Variants in AIMP2 observed in about 807,000 individuals in gnomAD.
The protein encoded by AIMP2 is aminoacyl tRNA synthase complex-interacting multifunctional protein 2.
Under a neutral mutation model 23.4 loss-of-function variants are expected in AIMP2, and 20 were observed. The ratio of observed to expected loss-of-function variants is 0.85; its 90% CI spans 0.60 to 1.24. The LOEUF (loss-of-function observed/expected upper bound fraction) is 1.24, where lower values mean the gene tolerates loss of function less well. Among genes scored for constraint, AIMP2 ranks in the 50% most tolerant of loss-of-function variants. The pLI is 0.00. For synonymous variants in AIMP2, 210 were observed against 170.4 expected (o/e 1.23, Z -1.81); for missense variants, 515 against 414.5 (o/e 1.24, Z -2.10).
rs771380350 is a variant in AIMP2 at position 6,017,971 on chromosome 7, A to G, written c.500A>G (p.Lys167Arg). Residue 167 changes from lysine (K) to arginine (R), a missense_variant, in exon 3 of 4, where the codon AAG becomes AGG. By Grantham distance (26) the Lys-to-Arg change is conservative. Coordinates refer to ENST00000223029, the MANE Select transcript of AIMP2 (RefSeq NM_006303.4). Reference protein sequence around the residue: ...SVKSVPENLLKCFGEQNKKQP... With the variant: ...SVKSVPENLLRCFGEQNKKQP... ...AAGAGCGTGCCTGAAAACCTTCTCA[A>G]GTGCTTTGGAGAACAGAATAAAAAA... The G allele has an allele frequency of 3.1e-6, 5 of 1,613,908 alleles. No individual in the cohort carries two copies. Among genetic ancestry groups the G allele is most frequent in the East Asian group, 4.5e-5 (2 of 44,856 alleles).
chr7:6,022,446 C>G (rs763419262), intron 3 of AIMP2: 3 of 152,126 alleles, frequency 2.0e-5, no homozygotes, highest in East Asian at 1.9e-4. Context: ...CCTAACCCCC[C>G]CACTGTTCAA....
chr7:6,012,795 A>G (rs891527046), intron 1 of AIMP2: 6 of 1,020,830 alleles, frequency 5.9e-6, no homozygotes, highest in Non-Finnish European at 6.0e-6. Context: ...CAAGTGATCC[A>G]CCCGCCTCGC....
intron 1 of AIMP2, among the ~76,000 whole-genome samples, chr7:6,014,030 A>G (rs1786865101): frequency 6.6e-6 from 1 of 152,054 alleles, no homozygotes; most frequent in South Asian, 2.1e-4. Flanking sequence ...AAGCTAAAAT[A>G]AAGTGTTTCA....
chr7:6,023,090 A>G, intron 3 of AIMP2: 1 of 561,774 alleles, frequency 1.8e-6, no homozygotes, highest in Non-Finnish European at 3.0e-6. Context: ...ACCAGGAATG[A>G]CTCTTTGGTT....
intron 3 of AIMP2, among the ~76,000 whole-genome samples, chr7:6,018,968 T>TACAC (rs59354100): frequency 0.26 from 39,875 of 150,566 alleles, 6,257 homozygotes; most frequent in East Asian, 0.41. Context: ...TATCAAACCT[T>TACAC]ACACACACAC....
intron 2 of AIMP2, among the ~76,000 whole-genome samples, chr7:6,016,347 C>G (rs1042932405): frequency 6.6e-6 from 1 of 152,168 alleles, no homozygotes; most frequent in Non-Finnish European, 1.5e-5. Context: ...TATCAATAGC[C>G]TCCTCTAGAA....
chr7:6,010,801 C>T (rs1013055379), intron 1 of AIMP2, among the ~76,000 whole-genome samples: 2 of 122,406 alleles, frequency 1.6e-5, no homozygotes, highest in African/African-American at 7.9e-5. Flanking sequence ...TCTGATGTGT[C>T]TGGGTGTTTT....
At chr7:6,013,221 C>T (rs1786801653) in intron 1 of AIMP2, 1 of 150,330 alleles carries the variant, frequency 6.7e-6, no homozygotes, top group Non-Finnish European at 1.5e-5. Flanking sequence ...AAGCACCTAG[C>T]AGGTTAGCAA....
At chr7:6,017,290 C>T (rs904396128) in intron 2 of AIMP2, among the ~76,000 whole-genome samples, 9 of 151,776 alleles carry the variant, frequency 5.9e-5, no homozygotes, top group African/African-American at 2.2e-4. Flanking sequence ...CCAAGACGGA[C>T]AGGTCATTTG....
intron 3 of AIMP2, among the ~76,000 whole-genome samples, chr7:6,021,129 T>A (rs1013443634): frequency 1.3e-5 from 2 of 152,074 alleles, no homozygotes; most frequent in Non-Finnish European, 2.9e-5. Context: ...GTCAAAGTCG[T>A]CTACTTGCCC....
In AIMP2 at chr7:6,009,342, C is replaced by A. The variant is rs1062372; in HGVS notation, c.-22C>A. ...AGCGTTGGCCTTTGGCACGCGCTACCCCCTTTTGCTTTGGTTCTGCCATGC... is the reference window on the plus strand; with the variant it reads ...AGCGTTGGCCTTTGGCACGCGCTACACCCTTTTGCTTTGGTTCTGCCATGC... On this transcript the variant is annotated 5_prime_UTR_variant, in exon 1 of 4. Transcript: ENST00000223029. 0.21 allele frequency: 344,582 copies of A among 1,611,438 alleles called. 38,291 individuals carry two copies. The highest frequency in any genetic ancestry group is 0.32 in the African/African-American group (23,986 of 74,892).
chr7:6,012,607 GA>G (rs1189997568), intron 1 of AIMP2: 1 of 247,620 alleles, frequency 4.0e-6, no homozygotes, highest in Non-Finnish European at 8.9e-6. Context: ...ACCCAGTCTG[GA>G]GTGCAATGTC....
chr7:6,020,415 C>T (rs573540012), intron 3 of AIMP2, among the ~76,000 whole-genome samples: 118 of 151,720 alleles, frequency 7.8e-4, no homozygotes, highest in Non-Finnish European at 1.2e-3. Flanking sequence ...AGCCAGACTC[C>T]GTCTCAAAAA....
At position 6,009,381 on chromosome 7, in the gene AIMP2, A is replaced by G. The variant is rs1171351190; in HGVS notation, c.18A>G (p.Val6=). The change falls in exon 1 of 4, where the codon GTA becomes GTG. Residue 6 remains valine (V), a synonymous_variant. Coordinates refer to ENST00000223029, the MANE Select transcript of AIMP2 (RefSeq NM_006303.4). ...GTTCTGCCATGCCGATGTACCAGGT[A>G]AAGCCCTATCACGGGGGCGGCGCGC... MPMYQ[V]KPYHGGGAPL... 1.2e-6 allele frequency: 2 copies of G among 1,611,802 alleles called. No homozygotes were observed. Among genetic ancestry groups the G allele is most frequent in the East Asian group, 2.2e-5 (1 of 44,860 alleles).
chr7:6,013,042 A>G, intron 1 of AIMP2: 1 of 870,646 alleles, frequency 1.1e-6, no homozygotes, highest in Non-Finnish European at 1.4e-6. Context: ...GATGGAGGGA[A>G]CAGCACATGT....
chr7:6,023,235 C>A, intron 3 of AIMP2, 68 bp from the exon 4 acceptor site: 3 of 1,502,648 alleles, frequency 2.0e-6, no homozygotes, highest in Non-Finnish European at 2.7e-6. Flanking sequence ...CTGTCCCCTT[C>A]CCCACTGTGC....
chr7:6,018,070 C>T, intron 3 of AIMP2, 25 bp downstream of exon 3: 2 of 1,577,950 alleles, frequency 1.3e-6, no homozygotes, highest in Non-Finnish European at 1.7e-6. Flanking sequence ...CTGAGTTCAA[C>T]TTACACACAG....
chr7:6,013,988 A>G (rs1313441716), intron 1 of AIMP2, among the ~76,000 whole-genome samples: 2 of 151,552 alleles, frequency 1.3e-5, no homozygotes, highest in East Asian at 3.9e-4. Context: ...TGATTTGTGG[A>G]ATTGATTACT....
chr7:6,018,128 G>C (rs998644588), intron 3 of AIMP2, 83 bp downstream of exon 3: 128 of 1,004,274 alleles, frequency 1.3e-4, no homozygotes, highest in Admixed American at 2.7e-4. Context: ...CCATTTACAT[G>C]TGGATTTTTT....
Sources: gnomAD v4.1 joint callset for allele counts (sites outside exome capture counted in the v4.1 genomes callset) on GRCh38, gnomAD v4.1.1 for gene constraint, MANE v1.5 for transcripts, NCBI Gene and HGNC (gene_info 2026-07-23, HGNC 2026-07-21) for gene names.